The following JAKMIP3 variants were observed in gnomAD, a reference collection of about 807,000 sequenced individuals.
The protein encoded by JAKMIP3 is Janus kinase and microtubule interacting protein 3, also known as janus kinase and microtubule-interacting protein 3.
JAKMIP3 carries 58 observed loss-of-function variants against 118.5 expected under a neutral mutation model. The ratio of observed to expected loss-of-function variants is 0.49; its 90% CI spans 0.40 to 0.61. The LOEUF (loss-of-function observed/expected upper bound fraction) is 0.61. Among genes scored for constraint, JAKMIP3 ranks in the 20% least tolerant of loss-of-function variants. JAKMIP3 has a pLI of 0.00. For synonymous variants in JAKMIP3, 486 were observed against 451.2 expected (o/e 1.08, Z -0.98); for missense variants, 950 against 1,109.0 (o/e 0.86, Z 2.04).
In JAKMIP3 at chr10:132,044,260, C is replaced by T. The variant is rs2133775082; in HGVS notation, c.-138+7522C>T. Among the ~76,000 whole-genome samples the T allele has an allele frequency of 6.6e-6, 1 of 152,336 alleles. No individual in the cohort carries two copies. The highest frequency in any genetic ancestry group is 2.1e-4 in the South Asian group (1 of 4,828). ...ACATTTCCTAGACACGTCTCCTGGTCCAGGCATCGTGGACCTCCCTGGGGT... is the reference window on the plus strand; with the variant it reads ...ACATTTCCTAGACACGTCTCCTGGTTCAGGCATCGTGGACCTCCCTGGGGT... On this transcript the variant is annotated intron_variant, in intron 1 of 23. Coordinates refer to the JAKMIP3 transcript ENST00000657785. This position sits in a 1 kb window ranked among gnomAD's most constrained non-coding sequence, Gnocchi z 5.3.
intron 1 of JAKMIP3, among the ~76,000 whole-genome samples, chr10:132,081,979 T>G (rs554881468): frequency 2.5e-4 from 38 of 152,178 alleles, no homozygotes; most frequent in African/African-American, 8.4e-4. Flanking sequence ...TGCCTACGAA[T>G]TCTGTCATCT....
chr10:132,177,822 C>G (rs112605809), intron 23 of JAKMIP3, among the ~76,000 whole-genome samples: 359 of 85,716 alleles, frequency 4.2e-3, no homozygotes, highest in African/African-American at 0.016. Context: ...TTTGGTTGTG[C>G]GTGCGCACCT....
At chr10:132,037,121 T>C (rs1234072436) in intron 1 of JAKMIP3, among the ~76,000 whole-genome samples, 2 of 152,234 alleles carry the variant, frequency 1.3e-5, no homozygotes, top group Non-Finnish European at 2.9e-5. Context: ...GGTTTTTAAA[T>C]TTCACAGCCC....
intron 2 of JAKMIP3, among the ~76,000 whole-genome samples, chr10:132,115,258 T>C (rs548008075): frequency 7.2e-5 from 6 of 83,616 alleles, no homozygotes; most frequent in East Asian, 4.5e-4. Flanking sequence ...GTCACCCTGG[T>C]GGGTCACCGC....
At position 132,136,335 on chromosome 10, in the gene JAKMIP3, G is replaced by A. The variant is rs117609294; in HGVS notation, c.1116+259G>A. On this transcript the variant is annotated intron_variant, in intron 6 of 23. Transcript: ENST00000684848. ...CCCCTCCCCAGGCCTGTTTGCCCAC[G>A]TCTCACTCAAGGGCCTGGAACAGGT... 4.1e-3 allele frequency among the ~76,000 whole-genome samples: 624 copies of A among 152,296 alleles called. 24 individuals carry two copies. The East Asian group carries it at 0.092, about 23-fold the overall frequency.
At chr10:132,178,264 A>G (rs1169836017) in intron 23 of JAKMIP3, among the ~76,000 whole-genome samples, 1 of 152,216 alleles carries the variant, frequency 6.6e-6, no homozygotes, top group Non-Finnish European at 1.5e-5. Flanking sequence ...TGGGGAGAGG[A>G]TGACCTCAGA....
At chr10:132,139,421 T>A (rs2256124) in intron 9 of JAKMIP3, among the ~76,000 whole-genome samples, 1 of 138,202 alleles carries the variant, frequency 7.2e-6, no homozygotes, top group African/African-American at 2.6e-5. Context: ...TGTGAGTGTG[T>A]GTGTGTGTTT....
At chr10:132,159,693 A>AGGGGGCCTCTCCCTGTGTGATGCTG (rs2057731633) in intron 19 of JAKMIP3, among the ~76,000 whole-genome samples, 11 of 37,230 alleles carry the variant, frequency 3.0e-4, no homozygotes, top group Non-Finnish European at 4.7e-4. Context: ...TGTGATGCTC[A>AGGGGGCCTCTCCCTGTGTGATGCTG]GGGGGCCTCT....
intron 23 of JAKMIP3, among the ~76,000 whole-genome samples, chr10:132,173,369 G>C (rs944649439): frequency 6.0e-5 from 9 of 150,848 alleles, no homozygotes; most frequent in Non-Finnish European, 1.0e-4. Context: ...GGCGCTTGCT[G>C]TCTGCAATGT....
chr10:132,146,868 T>TTTCCACAGGGCTCA (rs2054720073), intron 13 of JAKMIP3, among the ~76,000 whole-genome samples: 1 of 152,190 alleles, frequency 6.6e-6, no homozygotes, highest in Non-Finnish European at 1.5e-5. Flanking sequence ...GTGCTGTGTG[T>TTTCCACAGGGCTCA]GCCACGTAAA....
intron 1 of JAKMIP3, among the ~76,000 whole-genome samples, chr10:132,089,514 G>T (rs1380898009): frequency 6.6e-6 from 1 of 152,164 alleles, no homozygotes; most frequent in Non-Finnish European, 1.5e-5. Flanking sequence ...CTGTTTGTCT[G>T]TTATTGGTGT....
chr10:132,177,269 G>A (rs946479857), intron 23 of JAKMIP3, among the ~76,000 whole-genome samples: 5 of 152,272 alleles, frequency 3.3e-5, no homozygotes, highest in African/African-American at 1.2e-4. Flanking sequence ...AGAAAGGGTA[G>A]CTGGGCATCG....
rs2055357598 is a variant in JAKMIP3 at position 132,149,344 on chromosome 10, C to A, written c.1849-68C>A. The A allele has an allele frequency of 1.4e-5, 15 of 1,085,424 alleles. No individual in the cohort carries two copies. The South Asian group carries it at 2.2e-4, about 16-fold the overall frequency. The allele number at this position is 1,085,424 out of a possible 1,614,324, so 67.2% of individuals were successfully genotyped here. On this transcript the variant is annotated intron_variant, in intron 14 of 23. Coordinates refer to ENST00000684848, the MANE Select transcript of JAKMIP3 (RefSeq NM_001323087.2). ...GGTCTTGGCCCGTGTTCCTCAGGCC[C>A]CAGCACAGTCCTCTTAGAGGGAAGG...
At chr10:132,161,036 C>CCTGTGTGATGCTGGGGGCGTGTCTTT (rs1226557377) in intron 19 of JAKMIP3, among the ~76,000 whole-genome samples, 1 of 93,484 alleles carries the variant, frequency 1.1e-5, no homozygotes, top group Admixed American at 1.1e-4. Context: ...GGGGCCTCTT[C>CCTGTGTGATGCTGGGGGCGTGTCTTT]CTGTGTGATG....
At chr10:132,155,174 GTGGTGATGA>G (rs915881389) in intron 19 of JAKMIP3, among the ~76,000 whole-genome samples, 30 of 150,770 alleles carry the variant, frequency 2.0e-4, no homozygotes, top group Non-Finnish European at 3.8e-4. Context: ...GGTGGTAGTG[GTGGTGATGA>G]TGGTGATCAT....
At chr10:132,120,037 C>G (rs1283785432) in intron 3 of JAKMIP3, among the ~76,000 whole-genome samples, 1 of 152,186 alleles carries the variant, frequency 6.6e-6, no homozygotes. Context: ...TCCATGGAGT[C>G]GTAGAATAGC....
chr10:132,117,613 AGGGGCGGGCGTGGGCGAGGG>A lies in JAKMIP3; in HGVS notation c.633+40_633+59del. Reference sequence around the variant, plus strand: ...CAGGGGCGGGCGTGGGCGAGGGTGCAGGGGCGGGCGTGGGCGAGGGTGCAGGGGCGGGCGTGGGCGAGGGT... The same window carrying A: ...CAGGGGCGGGCGTGGGCGAGGGTGCATGCAGGGGCGGGCGTGGGCGAGGGT... On this transcript the variant is annotated intron_variant, in intron 3 of 23. Coordinates refer to ENST00000684848, the MANE Select transcript of JAKMIP3 (RefSeq NM_001323087.2). The surrounding 1 kb of genome is among the most constrained non-coding windows in gnomAD (Gnocchi z 8.6). 1.1e-6 allele frequency: 1 copy of A among 874,626 alleles called. No homozygotes were observed. The allele number at this position is 874,626 out of a possible 1,614,324, so 54.2% of individuals were successfully genotyped here. A position where few individuals can be genotyped will look rare whatever the true frequency, so the allele number is the denominator to read the frequency against.
At position 132,153,835 on chromosome 10, in the gene JAKMIP3, G is replaced by A; in HGVS notation, c.2142+8G>A. On this transcript the variant is annotated splice_region_variant and intron_variant, in intron 18 of 23. Coordinates refer to ENST00000684848, the MANE Select transcript of JAKMIP3 (RefSeq NM_001323087.2). ...GATCTGGAGAGCGAGAAGGTTGGTG[G>A]CACCTTCACCGAGGTTCTGCGGCTC... 1.2e-6 allele frequency: 2 copies of A among 1,612,934 alleles called. No homozygotes were observed. Among genetic ancestry groups the A allele is most frequent in the Non-Finnish European group, 1.7e-6 (2 of 1,179,650 alleles).
intron 9 of JAKMIP3, among the ~76,000 whole-genome samples, chr10:132,139,489 AGTAT>A (rs1256568571): frequency 1.9e-4 from 27 of 139,694 alleles, no homozygotes; most frequent in African/African-American, 7.1e-4. Context: ...TGTGTGTGAG[AGTAT>A]GTGAGTGTGT....
Sources: gnomAD v4.1 joint callset for allele counts (sites outside exome capture counted in the v4.1 genomes callset) on GRCh38, gnomAD v4.1.1 for gene constraint, Gnocchi (gnomAD v3.1) non-coding constraint, MANE v1.5 for transcripts, NCBI Gene and HGNC (gene_info 2026-07-23, HGNC 2026-07-21) for gene names.